Variants in KCNQ5 observed in about 807,000 individuals in gnomAD.
KCNQ5 encodes potassium voltage-gated channel subfamily Q member 5.
A neutral mutation model predicts 98.2 loss-of-function variants in KCNQ5; 30 were observed. That is an observed-to-expected ratio of 0.31 (90% CI 0.23 to 0.41). The LOEUF is 0.41. Among genes scored for constraint, KCNQ5 ranks in the 10% least tolerant of loss-of-function variants. The pLI is 1.00. For missense variants in KCNQ5, 835 were observed against 1,182.5 expected (o/e 0.71, Z 4.31); for synonymous variants, 458 against 449.4 (o/e 1.02, Z -0.24).
At position 73,170,703 on chromosome 6, in the gene KCNQ5, G is replaced by T. The variant is rs182827756; in HGVS notation, c.1577+849G>T. ...AATCCCAGCACTTTCGGAGGCTGAG[G>T]GGGGCAGATCACTTGAGGTCAGGAG... On this transcript the variant is annotated intron_variant, in intron 11 of 13. Transcript: ENST00000370398. Among the ~76,000 whole-genome samples, 350 of 152,010 alleles carry T rather than the reference G, an allele frequency of 2.3e-3. 2 individuals carry two copies. Among genetic ancestry groups the T allele is most frequent in the African/African-American group, 8.2e-3 (339 of 41,348 alleles).
chr6:73,018,330 C>T (rs1165552324), intron 2 of KCNQ5, among the ~76,000 whole-genome samples: 8 of 151,924 alleles, frequency 5.3e-5, no homozygotes, highest in Admixed American at 1.3e-4. Flanking sequence ...GGCAGGGATG[C>T]GCATACAACT....
chr6:72,657,243 GA>G, intron 1 of KCNQ5, among the ~76,000 whole-genome samples: 1 of 151,980 alleles, frequency 6.6e-6, no homozygotes, highest in Non-Finnish European at 1.5e-5. Flanking sequence ...AAATAAGATA[GA>G]AAATAAAATT....
At chr6:73,192,760 TG>T (rs1562228421) in intron 13 of KCNQ5, 69 bp downstream of exon 13, 8 of 1,280,862 alleles carry the variant, frequency 6.2e-6, no homozygotes, top group Non-Finnish European at 5.3e-6. Flanking sequence ...TATAGGCAAT[TG>T]TATGTATTCC....
At chr6:72,988,244 G>C (rs562545063) in intron 1 of KCNQ5, among the ~76,000 whole-genome samples, 2 of 152,098 alleles carry the variant, frequency 1.3e-5, no homozygotes, top group South Asian at 2.1e-4. Context: ...ATTATTATCC[G>C]CATCTTATAG....
chr6:72,770,133 T>C (rs186888060), intron 1 of KCNQ5, among the ~76,000 whole-genome samples: 49 of 152,296 alleles, frequency 3.2e-4, no homozygotes, highest in African/African-American at 1.1e-3. Flanking sequence ...TTTTAATGGC[T>C]CATTTGACTG....
chr6:72,773,564 C>G (rs1773014897), intron 1 of KCNQ5, among the ~76,000 whole-genome samples: 1 of 152,128 alleles, frequency 6.6e-6, no homozygotes, highest in South Asian at 2.1e-4. Flanking sequence ...AAGAAACCTA[C>G]ACGTTCTGCA....
At chr6:73,065,850 G>A (rs1406682203) in intron 3 of KCNQ5, among the ~76,000 whole-genome samples, 2 of 151,134 alleles carry the variant, frequency 1.3e-5, no homozygotes, top group Non-Finnish European at 2.9e-5. Context: ...TGAGACAACC[G>A]AAAATACTAA....
chr6:72,635,475 C>G (rs1357241384), intron 1 of KCNQ5, among the ~76,000 whole-genome samples: 1 of 152,064 alleles, frequency 6.6e-6, no homozygotes, highest in Non-Finnish European at 1.5e-5. Context: ...CATGTTTACT[C>G]CAAACTGATT....
intron 1 of KCNQ5, among the ~76,000 whole-genome samples, chr6:72,966,405 C>CA (rs534190653): frequency 0.12 from 15,665 of 129,032 alleles, 1,693 homozygotes; most frequent in African/African-American, 0.31. Context: ...TTAAAAATAA[C>CA]AAAAAAAAAA....
At chr6:73,103,340 A>G (rs1403227403) in intron 5 of KCNQ5, among the ~76,000 whole-genome samples, 1 of 152,194 alleles carries the variant, frequency 6.6e-6, no homozygotes, top group Non-Finnish European at 1.5e-5. Flanking sequence ...TTGTAGGGAC[A>G]TGGATGAAGC....
At position 73,075,609 on chromosome 6, in the gene KCNQ5, T is replaced by A. The variant is rs79895800; in HGVS notation, c.617-1713T>A. Among the ~76,000 whole-genome samples, 435 of 152,344 alleles carry A rather than the reference T, an allele frequency of 2.9e-3. 2 individuals carry two copies. The highest frequency in any genetic ancestry group is 4.7e-3 in the Non-Finnish European group (321 of 68,030). ...GTACATACTGTTTTGCAACTGGCCT[T>A]TATTCACTTAAAATATGTCTTTGGT... On this transcript the variant is annotated intron_variant, in intron 3 of 13. Coordinates refer to ENST00000370398, the MANE Select transcript of KCNQ5 (RefSeq NM_019842.4).
At chr6:72,742,904 G>A (rs994355237) in intron 1 of KCNQ5, among the ~76,000 whole-genome samples, 13 of 152,112 alleles carry the variant, frequency 8.5e-5, no homozygotes, top group South Asian at 2.1e-4. Context: ...GTGGGCTTCC[G>A]CTTATTTTCA....
chr6:73,106,018 C>T (rs1381549868), intron 6 of KCNQ5, among the ~76,000 whole-genome samples: 1 of 152,078 alleles, frequency 6.6e-6, no homozygotes, highest in South Asian at 2.1e-4. Flanking sequence ...CCCCCATTTC[C>T]AAGTTCTTGC....
chr6:72,636,599 G>A (rs1381445605), intron 1 of KCNQ5, among the ~76,000 whole-genome samples: 3 of 152,048 alleles, frequency 2.0e-5, no homozygotes, highest in East Asian at 1.9e-4. Flanking sequence ...TCTTCTCCCC[G>A]TGTTTTGAGT....
intron 1 of KCNQ5, among the ~76,000 whole-genome samples, chr6:72,860,480 C>G (rs117502166): frequency 0.011 from 1,672 of 152,270 alleles, 17 homozygotes; most frequent in Non-Finnish European, 0.014. Context: ...GTTTCCTCAT[C>G]TGTAAAATAA....
chr6:72,821,509 G>A (rs1775749395), intron 1 of KCNQ5, among the ~76,000 whole-genome samples: 4 of 151,958 alleles, frequency 2.6e-5, no homozygotes, highest in Admixed American at 2.6e-4. Flanking sequence ...AGACATTTGG[G>A]GCTAAATATT....
intron 1 of KCNQ5, among the ~76,000 whole-genome samples, chr6:72,678,841 C>A (rs1344031774): frequency 6.6e-6 from 1 of 152,096 alleles, no homozygotes; most frequent in African/African-American, 2.4e-5. Flanking sequence ...AATTCTTAAT[C>A]CCGTTTTGAC....
intron 1 of KCNQ5, among the ~76,000 whole-genome samples, chr6:72,847,108 AAATAAT>A (rs1190851123): frequency 6.6e-6 from 1 of 152,074 alleles, no homozygotes; most frequent in African/African-American, 2.4e-5. Flanking sequence ...TCTCTTAAAA[AAATAAT>A]AATAATAAAA....
chr6:72,849,949 T>C (rs1777179063), intron 1 of KCNQ5, among the ~76,000 whole-genome samples: 2 of 152,210 alleles, frequency 1.3e-5, no homozygotes, highest in East Asian at 1.9e-4. Context: ...TTCTACTATT[T>C]AACATTTTTC....
Sources: allele counts gnomAD v4.1 joint callset (sites outside exome capture counted in the v4.1 genomes callset), GRCh38; gene constraint gnomAD v4.1.1; transcripts MANE v1.5; gene names NCBI Gene and HGNC (gene_info 2026-07-23, HGNC 2026-07-21).